Variants in SP4 observed in about 807,000 individuals in gnomAD.
SP4 encodes transcription factor Sp4.
In SP4, 19 loss-of-function variants were observed where a neutral mutation model predicts 72.8. The ratio of observed to expected loss-of-function variants is 0.26; its 90% CI spans 0.18 to 0.38. The LOEUF is 0.38. SP4 is among the 10% of genes least tolerant of loss of function. The pLI, the probability that SP4 is intolerant of heterozygous loss-of-function variation, is 1.00. For synonymous variants in SP4, 395 were observed against 333.1 expected, an observed-to-expected ratio of 1.19 and a Z score of -2.02; for missense variants, 1,008 against 926.3, an observed-to-expected ratio of 1.09 and a Z score of -1.14.
chr7:21,464,092 A>G (rs1784084546), intron 3 of SP4, among the ~76,000 whole-genome samples: 1 of 148,382 alleles, frequency 6.7e-6, no homozygotes, highest in African/African-American at 2.5e-5. Context: ...TTATTCTTAT[A>G]TCTGATTCAT....
intron 3 of SP4, among the ~76,000 whole-genome samples, chr7:21,457,980 T>C (rs1468095364): frequency 6.6e-6 from 1 of 152,196 alleles, no homozygotes; most frequent in East Asian, 1.9e-4. Flanking sequence ...ATTCATGGTC[T>C]TTTGGGGGTT....
At chr7:21,486,387 C>T (rs1038671671) in intron 5 of SP4, among the ~76,000 whole-genome samples, 1 of 152,038 alleles carries the variant, frequency 6.6e-6, no homozygotes, top group Non-Finnish European at 1.5e-5. Context: ...TTACACTTTC[C>T]ACCAATATAC....
chr7:21,447,159 G>T (rs148522643), intron 3 of SP4, among the ~76,000 whole-genome samples: 3 of 152,152 alleles, frequency 2.0e-5, no homozygotes, highest in African/African-American at 7.2e-5. Flanking sequence ...GAAACCAGCT[G>T]CCCTTTAAAG....
intron 3 of SP4, among the ~76,000 whole-genome samples, chr7:21,458,697 G>A (rs1393572715): frequency 1.3e-5 from 2 of 152,222 alleles, no homozygotes; most frequent in South Asian, 2.1e-4. Flanking sequence ...AATTGGAGGT[G>A]AAAAGCTGAA....
chr7:21,445,415 C>G (rs1488655702), intron 3 of SP4, among the ~76,000 whole-genome samples: 3 of 152,128 alleles, frequency 2.0e-5, no homozygotes, highest in African/African-American at 4.8e-5. Flanking sequence ...TTTAGCTAAT[C>G]CTGCATGTAA....
At chr7:21,499,222 A>G (rs1178259022) in intron 5 of SP4, among the ~76,000 whole-genome samples, 1 of 152,166 alleles carries the variant, frequency 6.6e-6, no homozygotes, top group Non-Finnish European at 1.5e-5. Flanking sequence ...AAGAGAAAGG[A>G]TCGGTCTTAC....
At chr7:21,449,962 G>A (rs534738633) in intron 3 of SP4, among the ~76,000 whole-genome samples, 2 of 152,098 alleles carry the variant, frequency 1.3e-5, no homozygotes, top group South Asian at 4.1e-4. Flanking sequence ...AATTGATACA[G>A]TTTCTCCATC....
In SP4 at chr7:21,430,855, C is replaced by G; in HGVS notation, c.1678+12C>G. 6.4e-7 allele frequency: 1 copy of G among 1,567,030 alleles called. No individual in the cohort carries two copies. Among genetic ancestry groups the G allele is most frequent in the Admixed American group, 1.8e-5 (1 of 56,458 alleles). ...CACTAGTGTTGCAGGTAAGTTCTGA[C>G]ATCTTTTTAAGTACCTTTTAAATAG... On this transcript the variant is annotated intron_variant, in intron 3 of 5. Coordinates refer to ENST00000222584, the MANE Select transcript of SP4 (RefSeq NM_003112.5).
chr7:21,494,064 A>G (rs1785046080), intron 5 of SP4, among the ~76,000 whole-genome samples: 1 of 152,230 alleles, frequency 6.6e-6, no homozygotes, highest in Admixed American at 6.5e-5. Context: ...CAAACACACA[A>G]TAAATATTTG....
chr7:21,477,391 C>A, intron 4 of SP4, 84 bp downstream of exon 4: 2 of 785,376 alleles, frequency 2.5e-6, no homozygotes, highest in South Asian at 3.1e-5. Context: ...GAATGATGGT[C>A]ACTAGAACTT....
At chr7:21,482,762 T>A in intron 5 of SP4, 1 of 977,950 alleles carries the variant, frequency 1.0e-6, no homozygotes, top group Non-Finnish European at 1.2e-6. Context: ...TTGTGTGTGT[T>A]ATGAAATGTT....
intron 5 of SP4, among the ~76,000 whole-genome samples, chr7:21,494,671 G>A (rs1014279195): frequency 2.6e-5 from 4 of 152,144 alleles, no homozygotes; most frequent in African/African-American, 7.2e-5. Flanking sequence ...TTCAAGGATT[G>A]GATGGCCCAA....
rs1365208658 is a variant in SP4, at chr7:21,430,012, G to A, written c.847G>A (p.Val283Ile). 3.7e-6 allele frequency: 6 copies of A among 1,614,062 alleles called. No individual in the cohort carries two copies. Among genetic ancestry groups the A allele is most frequent in the African/African-American group, 1.3e-5 (1 of 74,920 alleles). ...GGCTGCCGGAGGAGGGACTGGGCAG[G>A]TTGGCCAGCCTGCTGCTACTGCTGA... ...NVAAGGGTGQ[V>I]GQPAATADSG... The change falls in exon 3 of 6, where the codon GTT becomes ATT. Residue 283 changes from valine to isoleucine, a missense_variant. Physicochemically the swap from Val to Ile is conservative, Grantham distance 29. Coordinates refer to ENST00000222584, the MANE Select transcript of SP4 (RefSeq NM_003112.5).
At chr7:21,462,160 G>A (rs1583409038) in intron 3 of SP4, among the ~76,000 whole-genome samples, 1 of 151,920 alleles carries the variant, frequency 6.6e-6, no homozygotes, top group East Asian at 1.9e-4. Context: ...CAAGTAGCTG[G>A]GACTACAGGT....
intron 3 of SP4, among the ~76,000 whole-genome samples, chr7:21,441,049 A>G (rs1172440370): frequency 1.3e-5 from 2 of 152,218 alleles, no homozygotes; most frequent in Non-Finnish European, 2.9e-5. Flanking sequence ...GGCAGCTGCA[A>G]CTACATATGA....
chr7:21,474,374 G>C (rs1784432928), intron 3 of SP4, among the ~76,000 whole-genome samples: 1 of 152,190 alleles, frequency 6.6e-6, no homozygotes, highest in African/African-American at 2.4e-5. Context: ...AATACCTGCA[G>C]CTCCATAGGG....
At chr7:21,488,760 G>A (rs912746406) in intron 5 of SP4, among the ~76,000 whole-genome samples, 7 of 149,536 alleles carry the variant, frequency 4.7e-5, no homozygotes, top group South Asian at 2.1e-4. Context: ...ACAAGACCCC[G>A]TCTCTTAAAA....
At chr7:21,428,476 G>A (rs1218103874) in intron 1 of SP4, among the ~76,000 whole-genome samples, 1 of 152,098 alleles carries the variant, frequency 6.6e-6, no homozygotes, top group Non-Finnish European at 1.5e-5. Context: ...GGAGCCGATG[G>A]GTCGGGTTTC....
At chr7:21,504,568 T>C (rs1206692262) in intron 5 of SP4, among the ~76,000 whole-genome samples, 1 of 152,224 alleles carries the variant, frequency 6.6e-6, no homozygotes, top group Non-Finnish European at 1.5e-5. Context: ...GGTTTGGTCC[T>C]ACTTTGGTTT....
Sources: allele counts gnomAD v4.1 joint callset (sites outside exome capture counted in the v4.1 genomes callset), GRCh38; gene constraint gnomAD v4.1.1; transcripts MANE v1.5; gene names NCBI Gene and HGNC (gene_info 2026-07-23, HGNC 2026-07-21).